Variants in SLIT2 observed in about 807,000 individuals in gnomAD.
SLIT2 encodes the protein slit homolog 2 protein.
SLIT2 carries 41 observed loss-of-function variants against 185.7 expected under a neutral mutation model. The ratio of observed to expected loss-of-function variants is 0.22; its 90% CI spans 0.17 to 0.29. The LOEUF (loss-of-function observed/expected upper bound fraction) is 0.29. Among genes scored for constraint, SLIT2 ranks in the 10% least tolerant of loss-of-function variants. The pLI is 1.00. For synonymous variants in SLIT2, 693 were observed against 680.2 expected, an observed-to-expected ratio of 1.02 and a Z score of -0.29; for missense variants, 1,571 against 1,909.0, an observed-to-expected ratio of 0.82 and a Z score of 3.30.
In SLIT2 at chr4:20,484,962, G is replaced by A. The variant is rs1326113015; in HGVS notation, c.540-1238G>A. 6.6e-6 allele frequency among the ~76,000 whole-genome samples: 1 copy of A among 152,016 alleles called. No individual in the cohort carries two copies. Among genetic ancestry groups the A allele is most frequent in the South Asian group, 2.1e-4 (1 of 4,824 alleles). ...CACGTGGCCTGCTTCGCTCATTTCTGTTCTCTGCTCAGGCCCTGCAGTGAA... is the reference window on the plus strand; with the variant it reads ...CACGTGGCCTGCTTCGCTCATTTCTATTCTCTGCTCAGGCCCTGCAGTGAA... On this transcript the variant is annotated intron_variant, in intron 6 of 36. Transcript: ENST00000504154. This position sits in a 1 kb window ranked among gnomAD's most constrained non-coding sequence, Gnocchi z 4.3.
chr4:20,455,124 C>T (rs1171191878), intron 4 of SLIT2, among the ~76,000 whole-genome samples: 1 of 152,106 alleles, frequency 6.6e-6, no homozygotes. Context: ...ATAGACATGA[C>T]AGGAAAATAC....
At chr4:20,255,294 G>T (rs1226121484) in intron 1 of SLIT2, among the ~76,000 whole-genome samples, 1 of 152,094 alleles carries the variant, frequency 6.6e-6, no homozygotes, top group South Asian at 2.1e-4. Flanking sequence ...CATTTCTCTC[G>T]CCCTTAGTTT....
At chr4:20,605,873 C>T (rs1195797826) in intron 33 of SLIT2, among the ~76,000 whole-genome samples, 1 of 151,678 alleles carries the variant, frequency 6.6e-6, no homozygotes, top group African/African-American at 2.4e-5. Context: ...CAGCCTCCCA[C>T]ATAGCTAGGA....
At chr4:20,271,697 C>T (rs1188930256) in intron 4 of SLIT2, among the ~76,000 whole-genome samples, 1 of 151,736 alleles carries the variant, frequency 6.6e-6, no homozygotes. Flanking sequence ...AGGTATATCA[C>T]TAATAAAAAA....
At chr4:20,317,145 GAGT>G (rs1718669052) in intron 4 of SLIT2, among the ~76,000 whole-genome samples, 1 of 151,896 alleles carries the variant, frequency 6.6e-6, no homozygotes, top group Admixed American at 6.6e-5. Flanking sequence ...ATACATAGGA[GAGT>G]AATATCTCCT....
chr4:20,287,880 A>C (rs1267279608), intron 4 of SLIT2, among the ~76,000 whole-genome samples: 2 of 152,044 alleles, frequency 1.3e-5, no homozygotes, highest in Non-Finnish European at 2.9e-5. Context: ...TCTTAAAAAC[A>C]ATTTTCTTTA....
intron 33 of SLIT2, 100 bp from the exon 34 acceptor site, chr4:20,609,913 A>G (rs1488050278): frequency 7.1e-6 from 8 of 1,133,506 alleles, no homozygotes; most frequent in Non-Finnish European, 9.9e-6. Flanking sequence ...TTAGATTGCC[A>G]TCTCTTTTCC....
intron 14 of SLIT2, 128 bp from the exon 15 acceptor site, chr4:20,525,021 A>AATAATTG: frequency 1.5e-6 from 1 of 688,946 alleles, no homozygotes; most frequent in Non-Finnish European, 2.6e-6. Flanking sequence ...TACTTCAGTC[A>AATAATTG]CAGCTGTGAA....
At chr4:20,435,105 G>C (rs1369651936) in intron 4 of SLIT2, among the ~76,000 whole-genome samples, 1 of 152,100 alleles carries the variant, frequency 6.6e-6, no homozygotes, top group Non-Finnish European at 1.5e-5. Flanking sequence ...AAAAATGTTT[G>C]GCAACATTGC....
At chr4:20,288,085 C>T (rs779396594) in intron 4 of SLIT2, among the ~76,000 whole-genome samples, 8 of 152,048 alleles carry the variant, frequency 5.3e-5, no homozygotes, top group African/African-American at 1.7e-4. Context: ...ATTAGTAAGT[C>T]GATAGAATTT....
rs6852274 is a variant in SLIT2, at chr4:20,430,141, A to G, written c.396-37611A>G. Among the ~76,000 whole-genome samples the G allele has an allele frequency of 8.2e-3, 1,244 of 152,320 alleles. 15 individuals carry two copies. Among genetic ancestry groups the G allele is most frequent in the Non-Finnish European group, 9.2e-3 (628 of 68,028 alleles). On this transcript the variant is annotated intron_variant, in intron 4 of 36. Transcript: ENST00000504154. ...TTGTAAGAATTACTATTTTTAGATTAGTATACATGTTTTAAAAATTCTTTT... is the reference window on the plus strand; with the variant it reads ...TTGTAAGAATTACTATTTTTAGATTGGTATACATGTTTTAAAAATTCTTTT...
intron 3 of SLIT2, among the ~76,000 whole-genome samples, chr4:20,258,289 T>C (rs1712072995): frequency 6.6e-6 from 1 of 151,828 alleles, no homozygotes; most frequent in South Asian, 2.1e-4. Context: ...TAATGGTGCA[T>C]TAGGGAAGAG....
intron 30 of SLIT2, among the ~76,000 whole-genome samples, chr4:20,594,568 AG>A (rs1246295484): frequency 6.6e-6 from 1 of 151,988 alleles, no homozygotes; most frequent in Non-Finnish European, 1.5e-5. Context: ...CCATACCTGT[AG>A]GGATTCTATG....
intron 4 of SLIT2, among the ~76,000 whole-genome samples, chr4:20,415,365 C>T (rs940573142): frequency 2.1e-5 from 3 of 141,948 alleles, no homozygotes; most frequent in Non-Finnish European, 4.5e-5. Flanking sequence ...AAGCCCAGAT[C>T]GCACCACTGC....
chr4:20,261,080 GT>G (rs1712418870), intron 3 of SLIT2, among the ~76,000 whole-genome samples: 1 of 151,832 alleles, frequency 6.6e-6, no homozygotes, highest in African/African-American at 2.4e-5. Context: ...TGTTTTGACA[GT>G]TTGTTTCTGC....
chr4:20,317,238 T>C (rs1718680655), intron 4 of SLIT2, among the ~76,000 whole-genome samples: 1 of 151,962 alleles, frequency 6.6e-6, no homozygotes, highest in Admixed American at 6.6e-5. Context: ...GATGACATGG[T>C]ATATTTACAT....
intron 9 of SLIT2, among the ~76,000 whole-genome samples, chr4:20,497,576 T>C (rs574420871): frequency 1.6e-4 from 25 of 152,338 alleles, no homozygotes; most frequent in Admixed American, 9.8e-4. Flanking sequence ...AGCTGTTTTA[T>C]ATTACTTTAT....
intron 4 of SLIT2, among the ~76,000 whole-genome samples, chr4:20,380,379 T>C (rs1262335811): frequency 6.6e-6 from 1 of 152,076 alleles, no homozygotes; most frequent in Non-Finnish European, 1.5e-5. Context: ...TTGCAGTATC[T>C]TACATGCAAT....
chr4:20,368,847 A>G (rs1305310744), intron 4 of SLIT2, among the ~76,000 whole-genome samples: 1 of 152,090 alleles, frequency 6.6e-6, no homozygotes, highest in Admixed American at 6.5e-5. Context: ...GATGACAGAA[A>G]TGATATTTCT....
Sources: allele counts gnomAD v4.1 joint callset (sites outside exome capture counted in the v4.1 genomes callset), GRCh38; gene constraint gnomAD v4.1.1; non-coding constraint Gnocchi (gnomAD v3.1); transcripts MANE v1.5; gene names NCBI Gene and HGNC (gene_info 2026-07-23, HGNC 2026-07-21).